Variants in EXOC6B observed in about 807,000 individuals in gnomAD.
The protein encoded by EXOC6B is SEC15 homolog B.
EXOC6B carries 54 observed loss-of-function variants against 113.5 expected under a neutral mutation model. That is an observed-to-expected ratio of 0.48 (90% confidence interval 0.38 to 0.60). The LOEUF (loss-of-function observed/expected upper bound fraction) is 0.60, where lower values mean the gene tolerates loss of function less well. EXOC6B is among the 20% of genes least tolerant of loss of function. The probability of loss-of-function intolerance (pLI) is 0.00; values close to 1 mark genes in which losing one functional copy is unlikely to be tolerated. For synonymous variants in EXOC6B, 357 were observed against 339.0 expected, an observed-to-expected ratio of 1.05 and a Z score of -0.58; for missense variants, 797 against 977.5, an observed-to-expected ratio of 0.82 and a Z score of 2.46.
intron 6 of EXOC6B, among the ~76,000 whole-genome samples, chr2:72,713,339 T>A (rs1039875261): frequency 2.0e-5 from 3 of 152,148 alleles, no homozygotes; most frequent in Non-Finnish European, 4.4e-5. Flanking sequence ...GTTTTCTCAG[T>A]ACAATTCTAA....
intron 20 of EXOC6B, among the ~76,000 whole-genome samples, chr2:72,261,711 G>A (rs969027879): frequency 2.0e-5 from 3 of 152,064 alleles, no homozygotes; most frequent in South Asian, 4.2e-4. Context: ...TATAGTTCTC[G>A]ACAAGTTATA....
chr2:72,229,997 A>T (rs1398407712), intron 20 of EXOC6B, among the ~76,000 whole-genome samples: 3 of 152,158 alleles, frequency 2.0e-5, no homozygotes, highest in Non-Finnish European at 4.4e-5. Context: ...AAACCAAAGA[A>T]GGAACAGACA....
intron 20 of EXOC6B, among the ~76,000 whole-genome samples, chr2:72,209,223 C>CAAAAAAAAAAAAAAAAAAAAAAAAGAAAA (rs1680018668): frequency 1.8e-5 from 1 of 57,108 alleles, no homozygotes; most frequent in African/African-American, 6.0e-5. Flanking sequence ...AACTCAGTCT[C>CAAAAAAAAAAAAAAAAAAAAAAAAGAAAA]AAAAAAAAAA....
At chr2:72,382,302 C>T (rs950094328) in intron 18 of EXOC6B, among the ~76,000 whole-genome samples, 1 of 152,114 alleles carries the variant, frequency 6.6e-6, no homozygotes, top group Non-Finnish European at 1.5e-5. Context: ...TATTCCCCAT[C>T]GCTTGCTTTT....
At chr2:72,694,216 G>A (rs1677701302) in intron 6 of EXOC6B, among the ~76,000 whole-genome samples, 1 of 152,140 alleles carries the variant, frequency 6.6e-6, no homozygotes, top group Admixed American at 6.5e-5. Context: ...GGCATTCACA[G>A]GCAGATCACT....
At chr2:72,317,310 C>T (rs1687578895) in intron 20 of EXOC6B, among the ~76,000 whole-genome samples, 1 of 152,048 alleles carries the variant, frequency 6.6e-6, no homozygotes, top group Non-Finnish European at 1.5e-5. Context: ...ATGCCCCTTT[C>T]CCATCCCCAA....
chr2:72,245,266 A>T (rs888657750), intron 20 of EXOC6B, among the ~76,000 whole-genome samples: 1 of 152,222 alleles, frequency 6.6e-6, no homozygotes, highest in Non-Finnish European at 1.5e-5. Context: ...AATGGTGGGT[A>T]TTGGGAAAAG....
intron 1 of EXOC6B, among the ~76,000 whole-genome samples, chr2:72,811,926 C>A (rs1031756495): frequency 1.1e-4 from 16 of 152,034 alleles, no homozygotes; most frequent in Admixed American, 9.8e-4. Flanking sequence ...CACAAAAAAA[C>A]CTAAAGTTAA....
intron 18 of EXOC6B, among the ~76,000 whole-genome samples, chr2:72,381,512 T>C (rs1691675727): frequency 6.6e-6 from 1 of 152,136 alleles, no homozygotes; most frequent in Admixed American, 6.5e-5. Context: ...GCCAGGGTCT[T>C]CAATGAATCT....
chr2:72,801,363 A>G (rs1352516347), intron 1 of EXOC6B, among the ~76,000 whole-genome samples: 1 of 152,234 alleles, frequency 6.6e-6, no homozygotes, highest in African/African-American at 2.4e-5. Flanking sequence ...CTGTTTATCA[A>G]TAAGTCAAAA....
intron 18 of EXOC6B, among the ~76,000 whole-genome samples, chr2:72,455,883 T>C (rs1697200154): frequency 6.6e-6 from 1 of 151,990 alleles, no homozygotes; most frequent in South Asian, 2.1e-4. Context: ...GTACCTGGTA[T>C]ATGGTATGTA....
intron 18 of EXOC6B, among the ~76,000 whole-genome samples, chr2:72,391,383 C>A (rs776760532): frequency 6.6e-6 from 1 of 152,014 alleles, no homozygotes; most frequent in Non-Finnish European, 1.5e-5. Context: ...TGTCCTCTGG[C>A]CTTCATCATT....
At chr2:72,819,976 G>T (rs1233752051) in intron 1 of EXOC6B, among the ~76,000 whole-genome samples, 1 of 152,120 alleles carries the variant, frequency 6.6e-6, no homozygotes, top group Non-Finnish European at 1.5e-5. Context: ...ATGAGAAAGT[G>T]TCACGAACCA....
At chr2:72,256,197 G>T (rs1490752031) in intron 20 of EXOC6B, among the ~76,000 whole-genome samples, 3 of 152,176 alleles carry the variant, frequency 2.0e-5, no homozygotes, top group African/African-American at 7.2e-5. Context: ...AGGCAAGGAA[G>T]GATTCTCCCT....
chr2:72,297,841 A>G (rs1344866488), intron 20 of EXOC6B, among the ~76,000 whole-genome samples: 1 of 152,166 alleles, frequency 6.6e-6, no homozygotes, highest in Non-Finnish European at 1.5e-5. Flanking sequence ...ATTTGATTGC[A>G]CTGTGGTCTG....
At chr2:72,369,933 T>C (rs544857814) in intron 19 of EXOC6B, among the ~76,000 whole-genome samples, 1 of 152,308 alleles carries the variant, frequency 6.6e-6, no homozygotes, top group South Asian at 2.1e-4. Flanking sequence ...GGCAATACCA[T>C]TCAGGACATA....
At chr2:72,318,527 G>A (rs6737099) in intron 20 of EXOC6B, among the ~76,000 whole-genome samples, 4 of 152,106 alleles carry the variant, frequency 2.6e-5, no homozygotes, top group African/African-American at 9.6e-5. Context: ...TCGAGTAGCT[G>A]GGACTACAGG....
intron 20 of EXOC6B, among the ~76,000 whole-genome samples, chr2:72,266,817 A>G (rs1159906287): frequency 6.6e-6 from 1 of 152,002 alleles, no homozygotes; most frequent in Non-Finnish European, 1.5e-5. Flanking sequence ...CTTGATGGGG[A>G]TGGCATTGAA....
At chr2:72,775,733 G>C (rs1353007776) in intron 1 of EXOC6B, among the ~76,000 whole-genome samples, 1 of 152,176 alleles carries the variant, frequency 6.6e-6, no homozygotes, top group Non-Finnish European at 1.5e-5. Flanking sequence ...TGGAGACAGT[G>C]GTTGGCAGAA....
Sources: allele counts gnomAD v4.1 joint callset (sites outside exome capture counted in the v4.1 genomes callset), GRCh38; gene constraint gnomAD v4.1.1; transcripts MANE v1.5; gene names NCBI Gene and HGNC (gene_info 2026-07-23, HGNC 2026-07-21).